Variants in TBCK observed in about 807,000 individuals in gnomAD.
TBCK encodes TBC1 domain containing kinase.
A neutral mutation model predicts 113.4 loss-of-function variants in TBCK; 99 were observed. The observed-to-expected ratio is 0.87, with a 90% confidence interval of 0.74 to 1.03. The LOEUF (loss-of-function observed/expected upper bound fraction) is 1.03, where lower values mean the gene tolerates loss of function less well. TBCK is among the 50% of genes least tolerant of loss of function. The pLI, the probability that TBCK is intolerant of heterozygous loss-of-function variation, is 0.00. For missense variants in TBCK, 1,045 were observed against 1,061.3 expected (o/e 0.98, Z 0.21); for synonymous variants, 369 against 370.8 (o/e 1.00, Z 0.05).
At chr4:106,132,362 G>A (rs1262684857) in intron 23 of TBCK, among the ~76,000 whole-genome samples, 2 of 152,258 alleles carry the variant, frequency 1.3e-5, no homozygotes, top group Admixed American at 1.3e-4. Flanking sequence ...TACAGCTCAA[G>A]GCTTTGCTTC....
At chr4:106,293,270 T>C (rs895747271) in intron 3 of TBCK, among the ~76,000 whole-genome samples, 1 of 152,152 alleles carries the variant, frequency 6.6e-6, no homozygotes, top group African/African-American at 2.4e-5. Flanking sequence ...ATCCTATCTT[T>C]GTGAAGCAGG....
rs557932109 is a variant in TBCK, at chr4:106,122,207, C to T, written c.2236-5829G>A. ...ATAAAGGGGATATCACCACCGATCC[C>T]ACAGAAATACAAACTACCATCAGAG... On this transcript the variant is annotated intron_variant, in intron 23 of 25. Coordinates refer to ENST00000394708, the MANE Select transcript of TBCK (RefSeq NM_001163435.3). Among the ~76,000 whole-genome samples the T allele has an allele frequency of 7.9e-5, 12 of 151,888 alleles. No individual in the cohort carries two copies. The East Asian group carries it at 2.3e-3, about 29-fold the overall frequency.
chr4:106,060,602 T>C (rs1413481154), intron 25 of TBCK, among the ~76,000 whole-genome samples: 1 of 151,946 alleles, frequency 6.6e-6, no homozygotes, highest in Non-Finnish European at 1.5e-5. Context: ...ACGGAGAACA[T>C]ACAAAGAGAT....
intron 3 of TBCK, among the ~76,000 whole-genome samples, chr4:106,263,362 T>A (rs1387134592): frequency 6.6e-6 from 1 of 151,896 alleles, no homozygotes; most frequent in Non-Finnish European, 1.5e-5. Flanking sequence ...ACAAATGGTC[T>A]CAATTCACCA....
chr4:106,168,934 T>G (rs1410991524), intron 23 of TBCK, among the ~76,000 whole-genome samples: 1 of 151,902 alleles, frequency 6.6e-6, no homozygotes. Context: ...TGTTCCAAAA[T>G]CGGAAACATT....
chr4:106,188,238 A>ATC (rs1433039581), intron 22 of TBCK, among the ~76,000 whole-genome samples: 1 of 152,082 alleles, frequency 6.6e-6, no homozygotes, highest in Non-Finnish European at 1.5e-5. Context: ...GATGCCTTAA[A>ATC]TCTCTCTCTT....
At chr4:106,269,320 T>C (rs1449684506) in intron 3 of TBCK, among the ~76,000 whole-genome samples, 1 of 152,158 alleles carries the variant, frequency 6.6e-6, no homozygotes, top group African/African-American at 2.4e-5. Context: ...AGTATATAAC[T>C]TTTAAAGACT....
chr4:106,054,030 G>T (rs533040732), intron 25 of TBCK, among the ~76,000 whole-genome samples: 1 of 151,612 alleles, frequency 6.6e-6, no homozygotes, highest in South Asian at 2.1e-4. Flanking sequence ...CACTCTTTCC[G>T]CTATGGTCTA....
At chr4:106,302,830 T>C (rs989430243) in intron 2 of TBCK, among the ~76,000 whole-genome samples, 2 of 152,190 alleles carry the variant, frequency 1.3e-5, no homozygotes, top group Non-Finnish European at 2.9e-5. Flanking sequence ...AATTGCTTGG[T>C]GATGTAAAAA....
intron 14 of TBCK, among the ~76,000 whole-genome samples, chr4:106,235,811 A>G (rs1759394882): frequency 6.6e-6 from 1 of 152,038 alleles, no homozygotes; most frequent in Non-Finnish European, 1.5e-5. Flanking sequence ...ACTTTTATAA[A>G]TTTGTGTCTT....
chr4:106,293,872 T>A (rs192143128), intron 3 of TBCK, among the ~76,000 whole-genome samples: 1 of 152,198 alleles, frequency 6.6e-6, no homozygotes, highest in Non-Finnish European at 1.5e-5. Flanking sequence ...TGGCAAGATG[T>A]TTTATTGGTT....
rs1369719069 is a variant in TBCK at position 106,043,113 on chromosome 4, C to G, written c.*3457G>C. The G allele has an allele frequency of 6.6e-6, 1 of 152,168 alleles. No individual in the cohort carries two copies. Among genetic ancestry groups the G allele is most frequent in the Non-Finnish European group, 1.5e-5 (1 of 68,022 alleles). The allele number at this position is 152,168 out of a possible 1,614,324, so 9.4% of individuals were successfully genotyped here. ...CCACGGGCCTAAAAGCTGTGCCTTTCAGGTCCTTTTCATTTCTGACATCAA... is the reference window on the plus strand; with the variant it reads ...CCACGGGCCTAAAAGCTGTGCCTTTGAGGTCCTTTTCATTTCTGACATCAA... On this transcript the variant is annotated 3_prime_UTR_variant, in exon 26 of 26. Transcript: ENST00000394708.
chr4:106,049,037 TTA>T (rs1198073215), intron 25 of TBCK, among the ~76,000 whole-genome samples: 1 of 152,176 alleles, frequency 6.6e-6, no homozygotes, highest in Non-Finnish European at 1.5e-5. Flanking sequence ...TCACATAAGA[TTA>T]TGAGTTATGC....
In TBCK at chr4:106,118,201, T is replaced by C. The variant is rs1386334844; in HGVS notation, c.2236-1823A>G. Among the ~76,000 whole-genome samples the C allele has an allele frequency of 3.3e-5, 5 of 152,298 alleles. No individual in the cohort carries two copies. The East Asian group carries it at 9.7e-4, about 29-fold the overall frequency. ...TACACTTAGAATATCCAATTTAGAA[T>C]TTGTAGGTAACAAAAAATAAACCAT... On this transcript the variant is annotated intron_variant, in intron 23 of 25. Transcript: ENST00000394708.
At chr4:106,181,111 A>T (rs1752319768) in intron 22 of TBCK, among the ~76,000 whole-genome samples, 1 of 152,124 alleles carries the variant, frequency 6.6e-6, no homozygotes. Flanking sequence ...CATTTCTCTA[A>T]TGACCAGTGA....
At chr4:106,080,868 C>T (rs1738771264) in intron 25 of TBCK, among the ~76,000 whole-genome samples, 1 of 151,922 alleles carries the variant, frequency 6.6e-6, no homozygotes, top group Non-Finnish European at 1.5e-5. Context: ...AAAACATGAA[C>T]AGATACCTCT....
chr4:106,189,072 C>T (rs1203399617), intron 22 of TBCK, among the ~76,000 whole-genome samples: 1 of 152,094 alleles, frequency 6.6e-6, no homozygotes, highest in African/African-American at 2.4e-5. Flanking sequence ...TGACTATACA[C>T]CATGCCAATA....
chr4:106,082,560 C>T (rs955453138), intron 25 of TBCK, among the ~76,000 whole-genome samples: 4 of 151,634 alleles, frequency 2.6e-5, no homozygotes, highest in African/African-American at 9.7e-5. Flanking sequence ...ATTAACAAAC[C>T]TGTACATGTA....
chr4:106,193,466 G>C, intron 22 of TBCK, 143 bp downstream of exon 22: 1 of 774,862 alleles, frequency 1.3e-6, no homozygotes, highest in Non-Finnish European at 2.1e-6. Context: ...CAGTATATGA[G>C]AGAAAGAATC....
Sources: gnomAD v4.1 joint callset for allele counts (sites outside exome capture counted in the v4.1 genomes callset) on GRCh38, gnomAD v4.1.1 for gene constraint, MANE v1.5 for transcripts, NCBI Gene and HGNC (gene_info 2026-07-23, HGNC 2026-07-21) for gene names.